IQCK: variants seen among roughly 807,000 people sequenced by gnomAD.
IQCK encodes the protein IQ motif containing K.
A neutral mutation model predicts 28.1 loss-of-function variants in IQCK; 29 were observed. The observed-to-expected ratio is 1.03, with a 90% CI of 0.77 to 1.41. The LOEUF (loss-of-function observed/expected upper bound fraction) is 1.41. Among genes scored for constraint, IQCK ranks in the 40% most tolerant of loss-of-function variants. The pLI is 0.00. For synonymous variants in IQCK, 113 were observed against 115.1 expected (o/e 0.98, Z 0.12); for missense variants, 359 against 314.7 (o/e 1.14, Z -1.07).
At chr16:19,767,075 G>T (rs946275838) in intron 6 of IQCK, among the ~76,000 whole-genome samples, 1 of 152,178 alleles carries the variant, frequency 6.6e-6, no homozygotes, top group East Asian at 1.9e-4. Flanking sequence ...GCAACAGGGG[G>T]ATGTGGCTCG....
intron 9 of IQCK, among the ~76,000 whole-genome samples, chr16:19,841,966 C>G (rs1397182471): frequency 2.0e-5 from 3 of 152,078 alleles, no homozygotes; most frequent in African/African-American, 7.2e-5. Context: ...CTGCCTCAGC[C>G]TCCTGAGTAG....
chr16:19,849,059 T>A (rs2056447138), intron 9 of IQCK, among the ~76,000 whole-genome samples: 1 of 152,056 alleles, frequency 6.6e-6, no homozygotes, highest in Non-Finnish European at 1.5e-5. Context: ...CCTTCCTGCC[T>A]TTCTCCCATC....
intron 6 of IQCK, among the ~76,000 whole-genome samples, chr16:19,786,018 T>C (rs1054785971): frequency 2.0e-5 from 3 of 152,192 alleles, no homozygotes; most frequent in Admixed American, 2.0e-4. Flanking sequence ...GGAGCAAGGC[T>C]GCTGGGAGGG....
chr16:19,823,951 T>A (rs1352693470), intron 7 of IQCK, among the ~76,000 whole-genome samples: 1 of 151,488 alleles, frequency 6.6e-6, no homozygotes, highest in African/African-American at 2.4e-5. Flanking sequence ...AATAAATAAA[T>A]AAATAAATAA....
intron 7 of IQCK, among the ~76,000 whole-genome samples, chr16:19,820,446 A>G (rs2056056150): frequency 1.3e-5 from 2 of 152,060 alleles, no homozygotes; most frequent in Non-Finnish European, 2.9e-5. Flanking sequence ...TCAGCAGATC[A>G]AGACCATCCT....
chr16:19,751,444 C>T (rs1392501491), intron 4 of IQCK, among the ~76,000 whole-genome samples: 2 of 151,934 alleles, frequency 1.3e-5, no homozygotes, highest in Non-Finnish European at 2.9e-5. Context: ...CACCACTGCA[C>T]TCCAGCTTGG....
chr16:19,720,334 A>G (rs769154304), intron 1 of IQCK, among the ~76,000 whole-genome samples: 2 of 152,342 alleles, frequency 1.3e-5, no homozygotes, highest in East Asian at 1.9e-4. Flanking sequence ...ATCTACTCAG[A>G]TAATTTGACG....
intron 1 of IQCK, among the ~76,000 whole-genome samples, chr16:19,719,153 A>G (rs187314359): frequency 1.3e-5 from 2 of 152,292 alleles, no homozygotes; most frequent in Admixed American, 6.5e-5. Flanking sequence ...TGTTAAGAAG[A>G]TGGAACCAGA....
chr16:19,748,265 G>A (rs2054940054), intron 4 of IQCK, among the ~76,000 whole-genome samples: 1 of 151,802 alleles, frequency 6.6e-6, no homozygotes, highest in Non-Finnish European at 1.5e-5. Flanking sequence ...AATAGAGACA[G>A]GGTTTCACCA....
chr16:19,771,979 A>G (rs763238750), intron 6 of IQCK, among the ~76,000 whole-genome samples: 2 of 152,184 alleles, frequency 1.3e-5, no homozygotes, highest in Non-Finnish European at 2.9e-5. Context: ...TTTGTGGTGC[A>G]TATAAACAGC....
At chr16:19,844,293 G>A (rs1351448280) in intron 9 of IQCK, among the ~76,000 whole-genome samples, 3 of 152,022 alleles carry the variant, frequency 2.0e-5, no homozygotes, top group South Asian at 2.1e-4. Flanking sequence ...TTGGCCCGGC[G>A]GTGTTGAACT....
chr16:19,726,812 C>T (rs907604555), intron 1 of IQCK, among the ~76,000 whole-genome samples: 8 of 152,140 alleles, frequency 5.3e-5, no homozygotes, highest in African/African-American at 1.9e-4. Context: ...AGGCACTTCC[C>T]TTACCAAACA....
Position 19,856,658 on chromosome 16 carries a change from G to T in IQCK, c.*110G>T. 5 of 836,114 alleles carry T rather than the reference G, an allele frequency of 6.0e-6. No homozygotes were observed. The South Asian group carries it at 7.8e-5, about 13-fold the overall frequency. The allele number at this position is 836,114 out of a possible 1,614,324, so 51.8% of individuals were successfully genotyped here. A position where few individuals can be genotyped will look rare whatever the true frequency, so the allele number is the denominator to read the frequency against. On this transcript the variant is annotated 3_prime_UTR_variant, in exon 10 of 10. Coordinates refer to the IQCK transcript ENST00000320394. The stretch of plus-strand genomic sequence containing the variant: ...ATTTCTTTAACAAGACTTGGAACAT[G>T]TGCAAATGGAATCTTTTCTGTACAA...
chr16:19,721,068 A>G (rs1977481346), intron 1 of IQCK, among the ~76,000 whole-genome samples: 1 of 152,180 alleles, frequency 6.6e-6, no homozygotes, highest in South Asian at 2.1e-4. Context: ...ACACATGGAC[A>G]CTGTGATGAG....
At chr16:19,730,145 AG>A (rs1159836408) in intron 1 of IQCK, among the ~76,000 whole-genome samples, 2 of 152,088 alleles carry the variant, frequency 1.3e-5, no homozygotes, top group Non-Finnish European at 1.5e-5. Context: ...TAGTAAAGAC[AG>A]GGTTTCACCA....
intron 6 of IQCK, among the ~76,000 whole-genome samples, chr16:19,787,114 C>A (rs932570273): frequency 4.0e-5 from 1 of 25,302 alleles, no homozygotes; most frequent in Non-Finnish European, 6.2e-5. Context: ...TTTTCTTTTT[C>A]TTTTTTTAAG....
chr16:19,805,011 A>G (rs1166760921), intron 7 of IQCK, among the ~76,000 whole-genome samples: 1 of 151,558 alleles, frequency 6.6e-6, no homozygotes, highest in East Asian at 1.9e-4. Context: ...TCCTTTCCAG[A>G]GAGGGGCGTC....
chr16:19,822,087 AAAAAAAAAC>A (rs1176187734), intron 7 of IQCK, among the ~76,000 whole-genome samples: 1 of 147,512 alleles, frequency 6.8e-6, no homozygotes, highest in African/African-American at 2.6e-5. Context: ...AAAAAAACAA[AAAAAAAAAC>A]AAAAAAAAAC....
At chr16:19,765,381 TAAAA>T (rs930101786) in intron 6 of IQCK, among the ~76,000 whole-genome samples, 1 of 150,780 alleles carries the variant, frequency 6.6e-6, no homozygotes, top group African/African-American at 2.4e-5. Flanking sequence ...CTACTAAAAA[TAAAA>T]AAATTAGCTG....
Sources: allele counts gnomAD v4.1 joint callset (sites outside exome capture counted in the v4.1 genomes callset), GRCh38; gene constraint gnomAD v4.1.1; transcripts MANE v1.5; gene names NCBI Gene and HGNC (gene_info 2026-07-23, HGNC 2026-07-21).